The following SALL2 variants were observed in gnomAD, a reference collection of about 807,000 sequenced individuals.
SALL2 encodes sal-like protein 2.
Under a neutral mutation model 58.5 loss-of-function variants are expected in SALL2, and 32 were observed. The ratio of observed to expected loss-of-function variants is 0.55; its 90% CI spans 0.41 to 0.74. SALL2 has a LOEUF of 0.74. Among genes scored for constraint, SALL2 ranks in the 30% least tolerant of loss-of-function variants. The probability of loss-of-function intolerance (pLI) is 0.00; values close to 1 mark genes in which losing one functional copy is unlikely to be tolerated. For synonymous variants in SALL2, 516 were observed against 513.6 expected, an observed-to-expected ratio of 1.00 and a Z score of -0.06; for missense variants, 1,201 against 1,268.9, an observed-to-expected ratio of 0.95 and a Z score of 0.81.
upstream of SALL2, among the ~76,000 whole-genome samples, chr14:21,527,176 G>A (rs1892343977): frequency 6.6e-6 from 1 of 152,194 alleles, no homozygotes; most frequent in Non-Finnish European, 1.5e-5. Flanking sequence ...GAGGCCTACG[G>A]AGGCCCACCC....
At chr14:21,527,703 A>G (rs1217452324), upstream of SALL2, among the ~76,000 whole-genome samples, 1 of 152,190 alleles carries the variant, frequency 6.6e-6, no homozygotes, top group Admixed American at 6.5e-5. Context: ...TAAACCAGGT[A>G]TGGTGGTGCA....
Position 21,523,630 on chromosome 14 carries a change from ACTT to A in SALL2, c.2089_2091del (p.Lys697del). 4.3e-6 allele frequency: 7 copies of A among 1,614,210 alleles called. No individual in the cohort carries two copies. Among genetic ancestry groups the A allele is most frequent in the Non-Finnish European group, 5.9e-6 (7 of 1,180,028 alleles). On this transcript the variant is annotated inframe_deletion, in exon 2 of 2. Coordinates refer to ENST00000537235, the MANE Select transcript of SALL2 (RefSeq NM_001364564.1). This position sits in a 1 kb window ranked among gnomAD's most constrained non-coding sequence, Gnocchi z 4.4. The stretch of plus-strand genomic sequence containing the variant: ...TGCTGCAGAGTGACAGCATTGGTGA[ACTT>A]CTTCTGGCAGATGGGGCAGGAATTC...
upstream of SALL2, among the ~76,000 whole-genome samples, chr14:21,530,887 C>G (rs965698904): frequency 6.6e-6 from 1 of 152,230 alleles, no homozygotes; most frequent in Non-Finnish European, 1.5e-5. Flanking sequence ...GCTGAGAGTA[C>G]AGATGTAAGC....
At chr14:21,526,587 C>A, upstream of SALL2, 5 of 848,330 alleles carry the variant, frequency 5.9e-6, no homozygotes, top group African/African-American at 1.8e-5. Context: ...CCTCCTCCCC[C>A]CGCCCTCCCC....
At position 21,524,330 on chromosome 14, in the gene SALL2, G is replaced by T. The variant is rs1320601959; in HGVS notation, c.1392C>A (p.Ala464=). 1 of 1,613,684 alleles carries T rather than the reference G, an allele frequency of 6.2e-7. No individual in the cohort carries two copies. The part of the protein sequence containing the change: ...VPPEKAEEEA[A]TPGGGVERKP... ...TGCGCTCAACCCCTCCACCTGGAGT[G>T]GCTGCCTCCTCCTCGGCCTTCTCTG... is the stretch of plus-strand genomic sequence containing the variant. Residue 464 remains alanine, a synonymous_variant, in exon 2 of 2, where the codon GCC becomes GCA. Coordinates refer to ENST00000537235, the MANE Select transcript of SALL2 (RefSeq NM_001364564.1).
Position 21,524,296 on chromosome 14 carries a change from C to T in SALL2, c.1426G>A (p.Val476Met). 1 of 1,613,856 alleles carries T rather than the reference C, an allele frequency of 6.2e-7. No homozygotes were observed. Among genetic ancestry groups the T allele is most frequent in the Non-Finnish European group, 8.5e-7 (1 of 1,179,892 alleles). The change falls in exon 2 of 2, where the codon GTG becomes ATG. Residue 476 changes from valine (V) to methionine (M), a missense_variant. Physicochemically the swap from Val to Met is conservative, Grantham distance 21. Coordinates refer to ENST00000537235, the MANE Select transcript of SALL2 (RefSeq NM_001364564.1). ...GCACTGAGTGCTGTTGTGGAGGCCA[C>T]CAGAGGCTTGCGCTCAACCCCTCCA... is the stretch of plus-strand genomic sequence containing the variant. ...PGGGVERKPL[V>M]ASTTALSATE...
chr14:21,524,071 A>G lies in SALL2; in HGVS notation c.1651T>C (p.Leu551=), dbSNP rs1406553032. The G allele has an allele frequency of 3.7e-6, 6 of 1,614,000 alleles. No individual in the cohort carries two copies. Among genetic ancestry groups the G allele is most frequent in the Admixed American group, 1.7e-5 (1 of 59,996 alleles). The stretch of plus-strand genomic sequence containing the variant: ...GCCCAGCTTGGTAGTGAAGTCACCA[A>G]CTTACTTAGTTGCATGCGAGTTGCC... The part of the protein sequence containing the change: ...STATRMQLSK[L]VTSLPSWALL... Residue 551 remains leucine (L), a synonymous_variant, in exon 2 of 2, where the codon TTG becomes CTG. Coordinates refer to ENST00000537235, the MANE Select transcript of SALL2 (RefSeq NM_001364564.1).
At position 21,526,068 on chromosome 14, in the gene SALL2, C is replaced by A. The variant is rs1246496935; in HGVS notation, c.60G>T (p.Glu20Asp). 1.3e-6 allele frequency: 2 copies of A among 1,535,858 alleles called. No individual in the cohort carries two copies. The highest frequency in any genetic ancestry group is 1.7e-6 in the Non-Finnish European group (2 of 1,146,758). The change falls in exon 1 of 2, where the codon GAG (glutamate) becomes GAT (aspartate). Residue 20 changes from glutamate to aspartate, a missense_variant. By Grantham distance (45) the Glu-to-Asp change is conservative. Around this residue, in one of 3 missense-constraint regions of SALL2, gnomAD observed 467 missense variants for 468.9 expected, o/e 1.00. Coordinates refer to ENST00000537235, the MANE Select transcript of SALL2 (RefSeq NM_001364564.1). ...RLGVPCGEPA[E>D]LGGDASEEDH... The stretch of plus-strand genomic sequence containing the variant: ...CGACCGACCCTACCGCACCTCCGAG[C>A]TCTGCCGGCTCCCCGCAGGGCACCC...
upstream of SALL2, among the ~76,000 whole-genome samples, chr14:21,526,971 C>T (rs1312445629): frequency 1.3e-5 from 2 of 152,190 alleles, no homozygotes; most frequent in African/African-American, 4.8e-5. Context: ...CCCGCCCCTC[C>T]TCCCCCTGAA....
At position 21,524,474 on chromosome 14, in the gene SALL2, C is replaced by A; in HGVS notation, c.1248G>T (p.Val416=). Residue 416 remains valine (V), a synonymous_variant, in exon 2 of 2, where the codon GTG becomes GTT. Coordinates refer to ENST00000537235, the MANE Select transcript of SALL2 (RefSeq NM_001364564.1). ...ACTTCTCACGATGCCGGTGGAAATG[C>A]ACTTTGAGGTTGCCACGGGTGGTAA... is the stretch of plus-strand genomic sequence containing the variant. ...NRFTTRGNLK[V]HFHRHREKYP... The A allele has an allele frequency of 6.2e-7, 1 of 1,614,232 alleles. No individual in the cohort carries two copies. Among genetic ancestry groups the A allele is most frequent in the Non-Finnish European group, 8.5e-7 (1 of 1,180,050 alleles).
upstream of SALL2, among the ~76,000 whole-genome samples, chr14:21,530,238 C>A (rs1324331141): frequency 3.6e-5 from 4 of 112,444 alleles, no homozygotes; most frequent in Non-Finnish European, 7.9e-5. Flanking sequence ...ATATTTTTTT[C>A]TTTTTTAATT....
chr14:21,532,701 C>T (rs2319859), intron 1 of SALL2, among the ~76,000 whole-genome samples: 4,977 of 151,920 alleles, frequency 0.033, 272 homozygotes, highest in African/African-American at 0.11. Flanking sequence ...TGGTGGCTCA[C>T]GCCTGTAATC....
Position 21,531,750 on chromosome 14 carries a change from AGGCTGG to A in SALL2, c.-114+5206_-114+5211del, listed in dbSNP as rs1291689526. The stretch of plus-strand genomic sequence containing the variant: ...GAGACGGAGTCTCGCTCTGTCGCCC[AGGCTGG>A]AGTGCAATGGTCGCCCAGGCTGGAG... On this transcript the variant is annotated intron_variant, in intron 1 of 1. Transcript: ENST00000541965. Among the ~76,000 whole-genome samples, 33 of 61,482 alleles carry A rather than the reference AGGCTGG, an allele frequency of 5.4e-4. 1 individual carries two copies. The highest frequency in any genetic ancestry group is 8.7e-4 in the Non-Finnish European group (21 of 24,018). 40.3% of individuals were successfully genotyped at this position (61,482 alleles called of 152,430 possible). A position where few individuals can be genotyped will look rare whatever the true frequency, so the allele number is the denominator to read the frequency against.
upstream of SALL2, among the ~76,000 whole-genome samples, chr14:21,529,192 G>A (rs1221856378): frequency 1.3e-5 from 2 of 152,296 alleles, no homozygotes; most frequent in South Asian, 2.1e-4. Context: ...AGTCACAAAT[G>A]CAGGAATAAA....
Position 21,526,216 on chromosome 14 carries a change from C to T in SALL2, c.-89G>A. 1 of 1,508,606 alleles carries T rather than the reference C, an allele frequency of 6.6e-7. No homozygotes were observed. Among genetic ancestry groups the T allele is most frequent in the Non-Finnish European group, 8.8e-7 (1 of 1,130,804 alleles). The allele number at this position is 1,508,606 out of a possible 1,614,324, so 93.5% of individuals were successfully genotyped here. On this transcript the variant is annotated 5_prime_UTR_variant, in exon 1 of 2. Transcript: ENST00000537235. ...CGATGGCCGCTGGGTCTGCGGCAGC[C>T]TCTGCACCCAGCGGCCCAGACTGCG...
In SALL2 at chr14:21,535,155, C is replaced by T. The variant is rs573835263; in HGVS notation, c.-114+1807G>A. Among the ~76,000 whole-genome samples the T allele has an allele frequency of 3.9e-5, 6 of 152,006 alleles. No homozygotes were observed. The South Asian group carries it at 6.2e-4, about 16-fold the overall frequency. On this transcript the variant is annotated intron_variant, in intron 1 of 1. Transcript: ENST00000541965. ...GATCAGGAGATCCAGAGCATCCTGG[C>T]TAACACGGTGAAACCCCGTCTCTAC... is the stretch of plus-strand genomic sequence containing the variant.
chr14:21,525,015 AG>A lies in SALL2; in HGVS notation c.706del (p.Leu236TyrfsTer76). On this transcript the variant is annotated frameshift_variant, in exon 2 of 2. Coordinates refer to ENST00000537235, the MANE Select transcript of SALL2 (RefSeq NM_001364564.1). LOFTEE classifies it high-confidence loss of function. The surrounding 1 kb of genome is among the most constrained non-coding windows in gnomAD (Gnocchi z 4.4). The part of the protein sequence containing the change: ...GTGTASSTKP[L>X]LPLFSPIKPV... ...CTTGATGGGGCTGAAGAGGGGTAGT[AG>A]GGGCTTGGTGGAAGAGGCAGTCCCT... The A allele has an allele frequency of 6.2e-7, 1 of 1,613,706 alleles. No individual in the cohort carries two copies. The highest frequency in any genetic ancestry group is 1.1e-5 in the South Asian group (1 of 91,040).
At chr14:21,532,481 A>G (rs1892490415) in intron 1 of SALL2, among the ~76,000 whole-genome samples, 2 of 152,220 alleles carry the variant, frequency 1.3e-5, no homozygotes, top group African/African-American at 4.8e-5. Context: ...ATATTTTACA[A>G]TAAAAAAATT....
intron 1 of SALL2, among the ~76,000 whole-genome samples, chr14:21,535,161 C>A (rs567017735): frequency 3.3e-5 from 5 of 151,608 alleles, no homozygotes; most frequent in African/African-American, 7.3e-5. Flanking sequence ...CTGGCTAACA[C>A]GGTGAAACCC....
Sources: gnomAD v4.1 joint callset for allele counts (sites outside exome capture counted in the v4.1 genomes callset) on GRCh38, gnomAD v4.1.1 for gene constraint, gnomAD v4.1.1 regional missense constraint, Gnocchi (gnomAD v3.1) non-coding constraint, MANE v1.5 for transcripts, NCBI Gene and HGNC (gene_info 2026-07-23, HGNC 2026-07-21) for gene names.